The following TBC1D10B variants were observed in gnomAD, a reference collection of about 807,000 sequenced individuals.
TBC1D10B encodes TBC1 domain family member 10B, also known as Rab27A-GAPbeta.
Under a neutral mutation model 78.4 loss-of-function variants are expected in TBC1D10B, and 25 were observed. That is an observed-to-expected ratio of 0.32 (90% CI 0.23 to 0.45). TBC1D10B has a LOEUF of 0.45. Among genes scored for constraint, TBC1D10B ranks in the 20% least tolerant of loss-of-function variants. The pLI is 1.00. For missense variants in TBC1D10B, 996 were observed against 1,104.8 expected, an observed-to-expected ratio of 0.90 and a Z score of 1.40; for synonymous variants, 517 against 478.0, an observed-to-expected ratio of 1.08 and a Z score of -1.06.
At position 30,369,179 on chromosome 16, in the gene TBC1D10B, AACCTTTGCTTCCCCG is replaced by A; in HGVS notation, c.956+34_956+48del. 4.0e-6 allele frequency: 6 copies of A among 1,503,938 alleles called. No homozygotes were observed. Among genetic ancestry groups the A allele is most frequent in the Non-Finnish European group, 5.3e-6 (6 of 1,124,638 alleles). The allele number at this position is 1,503,938 out of a possible 1,614,324, so 93.2% of individuals were successfully genotyped here. A position where few individuals can be genotyped will look rare whatever the true frequency, so the allele number is the denominator to read the frequency against. On this transcript the variant is annotated intron_variant, in intron 1 of 8. Transcript: ENST00000409939. The surrounding 1 kb of genome is among the most constrained non-coding windows in gnomAD (Gnocchi z 4.3). ...TATCGTTTTCGTTTCGCCCTCCCCC[AACCTTTGCTTCCCCG>A]AGGCGGTCCCGCTGGGTGCCCACTG...
intron 7 of TBC1D10B, 105 bp from the exon 8 acceptor site, chr16:30,358,922 C>G (rs753271590): frequency 2.9e-6 from 4 of 1,403,302 alleles, no homozygotes; most frequent in Non-Finnish European, 3.8e-6. Context: ...CTGCCAATCT[C>G]AGATGAGGAA....
chr16:30,362,389 G>C (rs2049605189), intron 4 of TBC1D10B, among the ~76,000 whole-genome samples: 2 of 152,188 alleles, frequency 1.3e-5, no homozygotes, highest in African/African-American at 4.8e-5. Flanking sequence ...ATTTCACACA[G>C]CTGATGCTTG....
At position 30,365,597 on chromosome 16, in the gene TBC1D10B, G is replaced by A; in HGVS notation, c.957-3C>T. 1 of 1,613,700 alleles carries A rather than the reference G, an allele frequency of 6.2e-7. No homozygotes were observed. The highest frequency in any genetic ancestry group is 8.5e-7 in the Non-Finnish European group (1 of 1,179,792). On this transcript the variant is annotated splice_polypyrimidine_tract_variant and splice_region_variant and intron_variant, in intron 1 of 8. Transcript: ENST00000409939. This position sits in a 1 kb window ranked among gnomAD's most constrained non-coding sequence, Gnocchi z 5.0. Reference sequence around the variant, plus strand: ...CGTCCACGGGAATGGAGCTCTCTCTGCAGGGTCGGGGGAGCACGGAAGGGG... The same window carrying A: ...CGTCCACGGGAATGGAGCTCTCTCTACAGGGTCGGGGGAGCACGGAAGGGG...
rs1033636560 is a variant in TBC1D10B, at chr16:30,369,419, G to A, written c.765C>T (p.Gly255=). ...GGGCCTGCCCTCGAGGCCCAGAGAT[G>A]CCAGGTCCCAGGCTGGACGTGGAGC... The part of the protein sequence containing the change: ...DLGSTSSLGP[G]ISGPRGQAPD... Residue 255 remains glycine, a synonymous_variant, in exon 1 of 9, where the codon GGC becomes GGT. Transcript: ENST00000409939. This position sits in a 1 kb window ranked among gnomAD's most constrained non-coding sequence, Gnocchi z 4.3. The A allele has an allele frequency of 3.2e-6, 5 of 1,572,058 alleles. No homozygotes were observed. Among genetic ancestry groups the A allele is most frequent in the Non-Finnish European group, 4.3e-6 (5 of 1,158,974 alleles).
chr16:30,359,454 G>T (rs2049584731), intron 6 of TBC1D10B, 84 bp downstream of exon 6: 1 of 1,547,622 alleles, frequency 6.5e-7, no homozygotes, highest in African/African-American at 1.4e-5. Flanking sequence ...AGCCGGGAAG[G>T]CCAGGGTGGG....
intron 4 of TBC1D10B, among the ~76,000 whole-genome samples, chr16:30,363,778 G>C (rs1023369583): frequency 6.6e-6 from 1 of 152,146 alleles, no homozygotes; most frequent in Non-Finnish European, 1.5e-5. Flanking sequence ...CTGGTAGATA[G>C]CAGATGCTCA....
In TBC1D10B at chr16:30,359,800, T is replaced by C. The variant is rs1338707291; in HGVS notation, c.1313A>G (p.Tyr438Cys). Residue 438 changes from tyrosine to cysteine, a missense_variant, in exon 5 of 9, where the codon TAC becomes TGC. Physicochemically the swap from Tyr to Cys is radical, Grantham distance 194. Around this residue, in one of 5 missense-constraint regions of TBC1D10B, gnomAD observed 93 missense variants for 152.7 expected, o/e 0.61. Transcript: ENST00000409939. ...CTGGCAGTAACCCTCGTCAGGCCGG[T>C]AGATGGTGTAGGCCTTCAGGATTCG... is the stretch of plus-strand genomic sequence containing the variant. The part of the protein sequence containing the change: ...LYRILKAYTI[Y>C]RPDEGYCQAQ... 6.3e-7 allele frequency: 1 copy of C among 1,577,932 alleles called. No homozygotes were observed. Among genetic ancestry groups the C allele is most frequent in the Non-Finnish European group, 8.6e-7 (1 of 1,161,572 alleles).
At position 30,358,436 on chromosome 16, in the gene TBC1D10B, C is replaced by A. The variant is rs539129776; in HGVS notation, c.1935G>T (p.Glu645Asp). ...CCAGGGGTGGCTGTTGCCGCCGGCG[C>A]TCCTCGTGGATGGCCCGGGACCCAT... ...RLHGSRAIHE[E>D]RRRQQPPLGP... is the part of the protein sequence containing the mutation. The change falls in exon 9 of 9, where the codon GAG (glutamate) becomes GAT (aspartate). Residue 645 changes from glutamate to aspartate, a missense_variant. Around this residue, in one of 5 missense-constraint regions of TBC1D10B, gnomAD observed 285 missense variants for 252.5 expected, o/e 1.13. Transcript: ENST00000409939. The A allele has an allele frequency of 4.4e-6, 7 of 1,587,756 alleles. No homozygotes were observed. Among genetic ancestry groups the A allele is most frequent in the Non-Finnish European group, 6.0e-6 (7 of 1,167,658 alleles).
chr16:30,365,409 A>G lies in TBC1D10B; in HGVS notation c.1056+86T>C. ...ATCCCCAGTGTGGTCCAGAGGGCAG[A>G]TATTATCGGCTTCCTGGGCTTCCCT... is the stretch of plus-strand genomic sequence containing the variant. On this transcript the variant is annotated intron_variant, in intron 2 of 8. Transcript: ENST00000409939. This position sits in a 1 kb window ranked among gnomAD's most constrained non-coding sequence, Gnocchi z 5.0. 3 of 1,506,030 alleles carry G rather than the reference A, an allele frequency of 2.0e-6. No homozygotes were observed. The highest frequency in any genetic ancestry group is 2.3e-5 in the East Asian group (1 of 44,352). 93.3% of individuals were successfully genotyped at this position (1,506,030 alleles called of 1,614,324 possible). A position where few individuals can be genotyped will look rare whatever the true frequency, so the allele number is the denominator to read the frequency against.
intron 7 of TBC1D10B, 67 bp downstream of exon 7, chr16:30,359,105 T>C (rs942120841): frequency 4.6e-6 from 7 of 1,510,734 alleles, no homozygotes; most frequent in African/African-American, 4.2e-5. Context: ...ACCAGAAATA[T>C]GACAGAACCC....
Position 30,370,031 on chromosome 16 carries a change from G to A in TBC1D10B, c.153C>T (p.Thr51=), listed in dbSNP as rs2049674857. 8.1e-7 allele frequency: 1 copy of A among 1,231,040 alleles called. No homozygotes were observed. The highest frequency in any genetic ancestry group is 3.1e-4 in the Middle Eastern group (1 of 3,216). 76.3% of individuals were successfully genotyped at this position (1,231,040 alleles called of 1,614,324 possible). ...PVTTATSAPV[T]LVAPGEARPA... ...GCCGCGCCTCCCCGGGGGCCACCAGGGTGACGGGGGCCGAAGTGGCCGTAG... is the reference window on the plus strand; with the variant it reads ...GCCGCGCCTCCCCGGGGGCCACCAGAGTGACGGGGGCCGAAGTGGCCGTAG... The change falls in exon 1 of 9, where the codon ACC becomes ACT. Residue 51 remains threonine, a synonymous_variant. Coordinates refer to ENST00000409939, the MANE Select transcript of TBC1D10B (RefSeq NM_015527.4).
chr16:30,369,832 C>A lies in TBC1D10B; in HGVS notation c.352G>T (p.Ala118Ser). The A allele has an allele frequency of 7.1e-7, 1 of 1,411,530 alleles. No homozygotes were observed. The highest frequency in any genetic ancestry group is 9.2e-7 in the Non-Finnish European group (1 of 1,084,610). 87.4% of individuals were successfully genotyped at this position (1,411,530 alleles called of 1,614,324 possible). Residue 118 changes from alanine (A) to serine (S), a missense_variant, in exon 1 of 9, where the codon GCT (alanine) becomes TCT (serine). Around this residue, in one of 5 missense-constraint regions of TBC1D10B, gnomAD observed 448 missense variants for 442.1 expected, o/e 1.01. Transcript: ENST00000409939. This position sits in a 1 kb window ranked among gnomAD's most constrained non-coding sequence, Gnocchi z 4.3. Reference sequence around the variant, plus strand: ...AGAGCCCTCGATGTCTCAACTCCAGCCACTGCCGCGGGCTCTGGGGATTCC... The same window carrying A: ...AGAGCCCTCGATGTCTCAACTCCAGACACTGCCGCGGGCTCTGGGGATTCC... ...GPESPEPAAVAGVETSRALAA... is the reference protein window; with the variant it reads ...GPESPEPAAVSGVETSRALAA...
rs895887715 is a variant in TBC1D10B, at chr16:30,369,956, T to TGGGGCC, written c.222_227dup (p.Pro82_Ala83dup). On this transcript the variant is annotated inframe_insertion, in exon 1 of 9. Transcript: ENST00000409939. The surrounding 1 kb of genome is among the most constrained non-coding windows in gnomAD (Gnocchi z 4.3). ...TGACAGCCGGGGCTGGGGCCGGGGC[T>TGGGGCC]GGGGCCGGGGCCGGAGCAGAGGTCT... 4.7e-6 allele frequency: 6 copies of TGGGGCC among 1,280,942 alleles called. No homozygotes were observed. The highest frequency in any genetic ancestry group is 1.6e-5 in the African/African-American group (1 of 63,922). The allele number at this position is 1,280,942 out of a possible 1,614,324, so 79.3% of individuals were successfully genotyped here. A position where few individuals can be genotyped will look rare whatever the true frequency, so the allele number is the denominator to read the frequency against.
At chr16:30,360,584 C>G (rs1236056120) in intron 4 of TBC1D10B, among the ~76,000 whole-genome samples, 1 of 152,166 alleles carries the variant, frequency 6.6e-6, no homozygotes, top group East Asian at 1.9e-4. Context: ...ATAGCTTTTC[C>G]CAAAACTCCA....
rs942633126 is a variant in TBC1D10B, at chr16:30,369,867, G to A, written c.317C>T (p.Pro106Leu). Residue 106 changes from proline (P) to leucine (L), a missense_variant, in exon 1 of 9, where the codon CCC becomes CTC. This residue lies in a region of TBC1D10B where 448 missense variants were observed against 442.1 expected (regional missense o/e 1.01). Coordinates refer to ENST00000409939, the MANE Select transcript of TBC1D10B (RefSeq NM_015527.4). This position sits in a 1 kb window ranked among gnomAD's most constrained non-coding sequence, Gnocchi z 4.3. ...GGGCTCTGGGGATTCCGGGCCGGAG[G>A]GGAGCTGCGGCTTTGGGGCTTCGGG... ...ASPEAPKPQLPSGPESPEPAA... is the reference protein window; with the variant it reads ...ASPEAPKPQLLSGPESPEPAA... The A allele has an allele frequency of 7.1e-7, 1 of 1,402,002 alleles. No homozygotes were observed. The highest frequency in any genetic ancestry group is 3.3e-5 in the Admixed American group (1 of 30,496). The allele number at this position is 1,402,002 out of a possible 1,614,324, so 86.8% of individuals were successfully genotyped here.
At position 30,357,961 on chromosome 16, in the gene TBC1D10B, G is replaced by A. The variant is rs2049565622; in HGVS notation, c.2410C>T (p.Gln804Ter). The part of the protein sequence containing the change: ...GGDRPSAEAR[Q>*]DAYF Reference sequence around the variant, plus strand: ...GGCAGAGGTCAGAAGTAAGCGTCCTGCCGGGCCTCGGCTGAGGGCCTGTCC... The same window carrying A: ...GGCAGAGGTCAGAAGTAAGCGTCCTACCGGGCCTCGGCTGAGGGCCTGTCC... Residue 804 changes from glutamine to a stop codon, truncating the protein, a stop_gained, in exon 9 of 9, where the codon CAG (glutamine) becomes TAG (stop). Transcript: ENST00000409939. LOFTEE classifies it high-confidence loss of function. The A allele has an allele frequency of 6.4e-7, 1 of 1,550,994 alleles. No individual in the cohort carries two copies. Among genetic ancestry groups the A allele is most frequent in the East Asian group, 2.4e-5 (1 of 40,928 alleles).
rs1248274123 is a variant in TBC1D10B at position 30,369,169 on chromosome 16, G to T, written c.956+59C>A. On this transcript the variant is annotated intron_variant, in intron 1 of 8. Transcript: ENST00000409939. The surrounding 1 kb of genome is among the most constrained non-coding windows in gnomAD (Gnocchi z 4.3). Reference sequence around the variant, plus strand: ...GGGCAAAGTGTATCGTTTTCGTTTCGCCCTCCCCCAACCTTTGCTTCCCCG... The same window carrying T: ...GGGCAAAGTGTATCGTTTTCGTTTCTCCCTCCCCCAACCTTTGCTTCCCCG... 17 of 1,468,524 alleles carry T rather than the reference G, an allele frequency of 1.2e-5. No homozygotes were observed. The highest frequency in any genetic ancestry group is 1.3e-5 in the Non-Finnish European group (14 of 1,101,228). The allele number at this position is 1,468,524 out of a possible 1,614,324, so 91.0% of individuals were successfully genotyped here.
At chr16:30,360,874 C>T (rs1461492069) in intron 4 of TBC1D10B, among the ~76,000 whole-genome samples, 1 of 152,088 alleles carries the variant, frequency 6.6e-6, no homozygotes, top group African/African-American at 2.4e-5. Context: ...ATCCCATCCC[C>T]TCTCGCGTGT....
intron 4 of TBC1D10B, among the ~76,000 whole-genome samples, chr16:30,360,932 TTCTC>T (rs1346539458): frequency 7.9e-5 from 12 of 151,796 alleles, no homozygotes; most frequent in Non-Finnish European, 1.8e-4. Flanking sequence ...CACTATCAAT[TTCTC>T]TCTCCACCGT....
Sources: gnomAD v4.1 joint callset for allele counts (sites outside exome capture counted in the v4.1 genomes callset) on GRCh38, gnomAD v4.1.1 for gene constraint, gnomAD v4.1.1 regional missense constraint, Gnocchi (gnomAD v3.1) non-coding constraint, MANE v1.5 for transcripts, NCBI Gene and HGNC (gene_info 2026-07-23, HGNC 2026-07-21) for gene names.